Variants in SKI observed in about 807,000 individuals in gnomAD.
SKI encodes SKI proto-oncogene, also known as ski oncogene.
A neutral mutation model predicts 59.3 loss-of-function variants in SKI; 23 were observed. The observed-to-expected ratio is 0.39, with a 90% CI of 0.28 to 0.55. SKI has a LOEUF of 0.55. Among genes scored for constraint, SKI ranks in the 20% least tolerant of loss-of-function variants. SKI has a pLI of 0.67. For missense variants in SKI, 1,017 were observed against 1,038.9 expected, an observed-to-expected ratio of 0.98 and a Z score of 0.29; for synonymous variants, 673 against 488.6, an observed-to-expected ratio of 1.38 and a Z score of -4.98.
chr1:2,297,825 C>T (rs1237476954), intron 1 of SKI, among the ~76,000 whole-genome samples: 1 of 152,264 alleles, frequency 6.6e-6, no homozygotes, highest in Admixed American at 6.5e-5. Context: ...TGTGCATGGG[C>T]AGGTCTGAGA....
chr1:2,275,223 C>T (rs757409505), intron 1 of SKI, among the ~76,000 whole-genome samples: 60 of 152,218 alleles, frequency 3.9e-4, no homozygotes, highest in Non-Finnish European at 7.6e-4. Flanking sequence ...GAAGGAACAT[C>T]GGGCCCCTGA....
chr1:2,253,648 A>G (rs528043654), intron 1 of SKI, among the ~76,000 whole-genome samples: 4 of 152,336 alleles, frequency 2.6e-5, no homozygotes, highest in African/African-American at 9.6e-5. Flanking sequence ...TAAATGAGCC[A>G]CATGCCCCCA....
Position 2,229,064 on chromosome 1 carries a change from C to T in SKI, c.298C>T (p.Arg100Cys). Residue 100 changes from arginine to cysteine, a missense_variant, in exon 1 of 7, where the codon CGC becomes TGC. Physicochemically the swap from Arg to Cys is radical, Grantham distance 180. Transcript: ENST00000378536. The surrounding 1 kb of genome is among the most constrained non-coding windows in gnomAD (Gnocchi z 6.3). ...CATGCCGTCCGACCGCTCCACCGAG[C>T]GCTGCGAGACCGTACTGGAAGGCGA... Reference protein sequence around the residue: ...FFMPSDRSTERCETVLEGETI... With the variant: ...FFMPSDRSTECCETVLEGETI... 6.2e-7 allele frequency: 1 copy of T among 1,606,832 alleles called. No individual in the cohort carries two copies.
chr1:2,304,284 C>T lies in SKI; in HGVS notation c.1475-9C>T, dbSNP rs1640508956. On this transcript the variant is annotated splice_polypyrimidine_tract_variant and intron_variant, in intron 4 of 6. Transcript: ENST00000378536. ...CATGACTTTGTTTCTGTCTCTGCTT[C>T]CTCCTCAGTCACCTCCTCCTTGTCC... The T allele has an allele frequency of 1.3e-6, 2 of 1,551,590 alleles. No homozygotes were observed. The highest frequency in any genetic ancestry group is 2.4e-5 in the East Asian group (1 of 40,922).
intron 1 of SKI, among the ~76,000 whole-genome samples, chr1:2,290,918 C>T (rs900079888): frequency 2.0e-5 from 3 of 152,264 alleles, no homozygotes; most frequent in African/African-American, 4.8e-5. Flanking sequence ...GCATTTTTCT[C>T]TTTCTGCAGC....
In SKI at chr1:2,304,029, G is replaced by A. The variant is rs757915077; in HGVS notation, c.1401G>A (p.Thr467=). Residue 467 remains threonine, a synonymous_variant, in exon 4 of 7, where the codon ACG becomes ACA. Transcript: ENST00000378536. ...LTVDTPGAPE[T]LAPVAAPEED... is the part of the protein sequence containing the mutation. ...TGGACACCCCAGGAGCCCCAGAGACGCTGGCGCCCGTGGCTGCCCCAGAGG... is the reference window on the plus strand; with the variant it reads ...TGGACACCCCAGGAGCCCCAGAGACACTGGCGCCCGTGGCTGCCCCAGAGG... 3.1e-6 allele frequency: 5 copies of A among 1,612,456 alleles called. No homozygotes were observed. The highest frequency in any genetic ancestry group is 1.1e-5 in the South Asian group (1 of 91,038).
chr1:2,278,851 C>T (rs1179552753), intron 1 of SKI, among the ~76,000 whole-genome samples: 2 of 152,170 alleles, frequency 1.3e-5, no homozygotes, highest in Admixed American at 1.3e-4. Context: ...GCCCTGTGAG[C>T]CAGGTGGTGG....
At chr1:2,231,681 TGTGA>T (rs1638641694) in intron 1 of SKI, among the ~76,000 whole-genome samples, 1 of 152,208 alleles carries the variant, frequency 6.6e-6, no homozygotes. Flanking sequence ...ACGTGCACGG[TGTGA>T]GTGACTGCGT....
chr1:2,239,727 T>C, intron 1 of SKI, among the ~76,000 whole-genome samples: 1 of 152,164 alleles, frequency 6.6e-6, no homozygotes. Flanking sequence ...CACTTTGAAG[T>C]CTTTCCTGGC....
intron 1 of SKI, among the ~76,000 whole-genome samples, chr1:2,294,755 G>A (rs1640246111): frequency 6.6e-6 from 1 of 152,236 alleles, no homozygotes; most frequent in East Asian, 1.9e-4. Flanking sequence ...CTCCCCGAGA[G>A]CCACCTGCTC....
intron 1 of SKI, chr1:2,232,531 G>A (rs1638661146): frequency 1.3e-5 from 2 of 152,230 alleles, no homozygotes; most frequent in African/African-American, 4.8e-5. Context: ...CAGCATGAGG[G>A]GCAGACAGTC....
rs754299944 is a variant in SKI at position 2,270,975 on chromosome 1, C to CT, written c.970-32002dup. On this transcript the variant is annotated intron_variant, in intron 1 of 6. Coordinates refer to ENST00000378536, the MANE Select transcript of SKI (RefSeq NM_003036.4). This position sits in a 1 kb window ranked among gnomAD's most constrained non-coding sequence, Gnocchi z 4.1. The stretch of plus-strand genomic sequence containing the variant: ...TGAATGAGCCGATGGCCGCAAGTGC[C>CT]TGGCCTCAGGCCTGGGCTGTGGGGA... 6.6e-5 allele frequency among the ~76,000 whole-genome samples: 10 copies of CT among 152,208 alleles called. No homozygotes were observed. In the South Asian group the frequency reaches 1.7e-3, roughly 25 times the overall value.
intron 1 of SKI, among the ~76,000 whole-genome samples, chr1:2,294,509 C>T (rs892970386): frequency 2.0e-5 from 3 of 152,346 alleles, no homozygotes; most frequent in South Asian, 2.1e-4. Context: ...AAGACCACGT[C>T]GTGCCGTTTC....
In SKI at chr1:2,269,494, A is replaced by C. The variant is rs1232143804; in HGVS notation, c.970-33484A>C. Among the ~76,000 whole-genome samples, 2 of 152,262 alleles carry C rather than the reference A, an allele frequency of 1.3e-5. No individual in the cohort carries two copies. The highest frequency in any genetic ancestry group is 2.9e-5 in the Non-Finnish European group (2 of 68,046). ...AGCAGTCTGTGGCCTTCTGTGAAGCAAAGCCGTTTTGCAGGCTGGGTTCAT... is the reference window on the plus strand; with the variant it reads ...AGCAGTCTGTGGCCTTCTGTGAAGCCAAGCCGTTTTGCAGGCTGGGTTCAT... On this transcript the variant is annotated intron_variant, in intron 1 of 6. Coordinates refer to ENST00000378536, the MANE Select transcript of SKI (RefSeq NM_003036.4). This position sits in a 1 kb window ranked among gnomAD's most constrained non-coding sequence, Gnocchi z 4.7.
chr1:2,238,690 G>A (rs752693995), intron 1 of SKI, among the ~76,000 whole-genome samples: 2 of 152,236 alleles, frequency 1.3e-5, no homozygotes, highest in Non-Finnish European at 2.9e-5. Flanking sequence ...TGGACACTGC[G>A]TGTGTGGTGC....
At chr1:2,277,638 C>T (rs1569792486) in intron 1 of SKI, among the ~76,000 whole-genome samples, 1 of 152,184 alleles carries the variant, frequency 6.6e-6, no homozygotes, top group African/African-American at 2.4e-5. Flanking sequence ...GGAGTGCACA[C>T]ACACGTCAGC....
At chr1:2,271,020 A>G (rs1421747138) in intron 1 of SKI, among the ~76,000 whole-genome samples, 1 of 152,144 alleles carries the variant, frequency 6.6e-6, no homozygotes, top group Non-Finnish European at 1.5e-5. Flanking sequence ...CCCAGTGAGG[A>G]GTGGGCTGGG....
chr1:2,296,425 G>A (rs556110567), intron 1 of SKI, among the ~76,000 whole-genome samples: 16 of 152,208 alleles, frequency 1.1e-4, no homozygotes, highest in Middle Eastern at 6.8e-3. Context: ...TCTAGCCATC[G>A]TTGTGGGCGT....
At chr1:2,274,777 G>T (rs1639704800) in intron 1 of SKI, among the ~76,000 whole-genome samples, 1 of 152,220 alleles carries the variant, frequency 6.6e-6, no homozygotes, top group Non-Finnish European at 1.5e-5. Context: ...TGGGGGGCAG[G>T]GACCCCACTT....
Sources: allele counts gnomAD v4.1 joint callset (sites outside exome capture counted in the v4.1 genomes callset), GRCh38; gene constraint gnomAD v4.1.1; non-coding constraint Gnocchi (gnomAD v3.1); transcripts MANE v1.5; gene names NCBI Gene and HGNC (gene_info 2026-07-23, HGNC 2026-07-21).